NDUFA10: variants seen among roughly 807,000 people sequenced by gnomAD.
The protein encoded by NDUFA10 is NADH dehydrogenase [ubiquinone] 1 alpha subcomplex subunit 10, mitochondrial.
A neutral mutation model predicts 47.8 loss-of-function variants in NDUFA10; 40 were observed. The ratio of observed to expected loss-of-function variants is 0.84; its 90% confidence interval spans 0.65 to 1.09. The LOEUF (loss-of-function observed/expected upper bound fraction) is 1.09. Ranked by LOEUF, NDUFA10 falls within the 50% of genes least tolerant of loss-of-function variation. The probability of loss-of-function intolerance (pLI) is 0.00; values close to 1 mark genes in which losing one functional copy is unlikely to be tolerated. For synonymous variants in NDUFA10, 183 were observed against 172.2 expected (o/e 1.06, Z -0.49); for missense variants, 413 against 451.1 (o/e 0.92, Z 0.76).
chr2:239,950,304 C>T (rs1694529940), intron 4 of NDUFA10, among the ~76,000 whole-genome samples: 1 of 152,126 alleles, frequency 6.6e-6, no homozygotes, highest in South Asian at 2.1e-4. Flanking sequence ...CCCTCAGGCC[C>T]CCGAGTCCTT....
At position 239,906,428 on chromosome 2, in the gene NDUFA10, C is replaced by T. The variant is rs75632007; in HGVS notation, c.295-11114G>A. 0.021 allele frequency among the ~76,000 whole-genome samples: 3,231 copies of T among 152,208 alleles called. 122 individuals carry two copies. Among genetic ancestry groups the T allele is most frequent in the African/African-American group, 0.073 (3,042 of 41,500 alleles). On this transcript the variant is annotated intron_variant, in intron 4 of 5. Coordinates refer to the NDUFA10 transcript ENST00000419408. The surrounding 1 kb of genome is among the most constrained non-coding windows in gnomAD (Gnocchi z 4.3). ...ACCCTTGAAATCAGAGCAACAAGGG[C>T]TCCTGAAGCACCCCAGGCCTTGAGA...
At chr2:240,022,453 A>G in intron 1 of NDUFA10, 113 bp from the exon 2 acceptor site, 1 of 1,457,148 alleles carries the variant, frequency 6.9e-7, no homozygotes, top group Non-Finnish European at 9.4e-7. Context: ...AAATGCCAAC[A>G]TCTACATCTT....
intron 4 of NDUFA10, among the ~76,000 whole-genome samples, chr2:239,915,313 CAT>C (rs1321171233): frequency 1.8e-5 from 2 of 113,488 alleles, no homozygotes; most frequent in Non-Finnish European, 3.6e-5. Flanking sequence ...CAGAGATAAA[CAT>C]ACACACACAC....
intron 9 of NDUFA10, among the ~76,000 whole-genome samples, chr2:239,969,945 TCCC>T (rs1695244599): frequency 6.6e-6 from 1 of 151,436 alleles, no homozygotes; most frequent in African/African-American, 2.4e-5. Flanking sequence ...TACATAAGAG[TCCC>T]CAAAAGGGGG....
At chr2:239,925,498 T>G (rs540832291) in intron 4 of NDUFA10, among the ~76,000 whole-genome samples, 2 of 152,322 alleles carry the variant, frequency 1.3e-5, no homozygotes, top group South Asian at 4.1e-4. Context: ...AACTGCGACC[T>G]AAGTCTCCCT....
At chr2:240,002,330 C>CAAAAA (rs61475593) in intron 8 of NDUFA10, among the ~76,000 whole-genome samples, 7 of 83,756 alleles carry the variant, frequency 8.4e-5, no homozygotes, top group African/African-American at 4.0e-4. Context: ...AACTCTGACT[C>CAAAAA]AAAAAAAAAA....
At chr2:239,938,485 T>C (rs970897801) in intron 4 of NDUFA10, among the ~76,000 whole-genome samples, 3 of 152,204 alleles carry the variant, frequency 2.0e-5, no homozygotes, top group African/African-American at 4.8e-5. Flanking sequence ...GTATGATCAA[T>C]GGAGAAGCTC....
chr2:239,934,947 G>A (rs1004598401), intron 4 of NDUFA10, among the ~76,000 whole-genome samples: 13 of 152,176 alleles, frequency 8.5e-5, no homozygotes, highest in Admixed American at 6.5e-5. Flanking sequence ...TGCAGCTGCC[G>A]CGTGCCCACC....
At chr2:239,938,330 G>A (rs1430302538) in intron 4 of NDUFA10, among the ~76,000 whole-genome samples, 5 of 152,208 alleles carry the variant, frequency 3.3e-5, no homozygotes, top group Non-Finnish European at 7.3e-5. Context: ...CCGCCACTCC[G>A]CATGCTGCAC....
chr2:239,984,054 G>A (rs955919353), intron 9 of NDUFA10, among the ~76,000 whole-genome samples: 10 of 152,018 alleles, frequency 6.6e-5, no homozygotes, highest in Non-Finnish European at 1.0e-4. Context: ...CCATGATGGT[G>A]CAACCCCATC....
intron 4 of NDUFA10, among the ~76,000 whole-genome samples, chr2:239,936,826 G>A (rs569063634): frequency 3.9e-5 from 6 of 152,250 alleles, no homozygotes; most frequent in South Asian, 2.1e-4. Context: ...CGGGTGTTGC[G>A]GTGCATGCCT....
At chr2:239,932,605 A>G (rs2106374132) in intron 4 of NDUFA10, among the ~76,000 whole-genome samples, 1 of 151,112 alleles carries the variant, frequency 6.6e-6, no homozygotes, top group East Asian at 2.0e-4. Flanking sequence ...TTTGAGACGG[A>G]GTCTCGCTCT....
chr2:239,892,557 G>A (rs1368406242), exon 6 of NDUFA10: 1 of 152,216 alleles, frequency 6.6e-6, no homozygotes, highest in Admixed American at 6.5e-5. Context: ...TAACAGAAAA[G>A]TGAATTTACA....
chr2:239,937,250 T>C (rs997591615), intron 4 of NDUFA10, among the ~76,000 whole-genome samples: 1 of 152,220 alleles, frequency 6.6e-6, no homozygotes, highest in Admixed American at 6.5e-5. Context: ...ATACACCCAT[T>C]TCGAGTATGC....
At chr2:239,910,166 A>C (rs6709907) in intron 4 of NDUFA10, among the ~76,000 whole-genome samples, 5,823 of 152,270 alleles carry the variant, frequency 0.038, 284 homozygotes, top group African/African-American at 0.11. Flanking sequence ...GCGATTCCTC[A>C]AAGATCCAGA....
At chr2:239,953,133 G>T (rs547266434), downstream of NDUFA10, among the ~76,000 whole-genome samples, 2 of 152,326 alleles carry the variant, frequency 1.3e-5, no homozygotes, top group Admixed American at 1.3e-4. Flanking sequence ...GAGCAAATGG[G>T]GTTGAAGATC....
At chr2:239,914,331 TAC>T (rs1165728647) in intron 4 of NDUFA10, among the ~76,000 whole-genome samples, 1 of 130,414 alleles carries the variant, frequency 7.7e-6, no homozygotes, top group Admixed American at 7.6e-5. Context: ...CACATACATA[TAC>T]AGACACACAC....
chr2:239,913,165 C>T (rs1286179281), intron 4 of NDUFA10, among the ~76,000 whole-genome samples: 7 of 152,244 alleles, frequency 4.6e-5, no homozygotes, highest in African/African-American at 7.2e-5. Context: ...CAGCCTTCTT[C>T]CTCCTCTGCC....
intron 9 of NDUFA10, chr2:239,982,287 G>A (rs10168317): frequency 6.3e-7 from 1 of 1,585,708 alleles, no homozygotes; most frequent in South Asian, 1.1e-5. Flanking sequence ...CTTTTCTTTA[G>A]TTACTTGTCT....
Sources: gnomAD v4.1 joint callset for allele counts (sites outside exome capture counted in the v4.1 genomes callset) on GRCh38, gnomAD v4.1.1 for gene constraint, Gnocchi (gnomAD v3.1) non-coding constraint, MANE v1.5 for transcripts, NCBI Gene and HGNC (gene_info 2026-07-23, HGNC 2026-07-21) for gene names.